Variants in PHACTR3 observed in about 807,000 individuals in gnomAD.
The protein encoded by PHACTR3 is phosphatase and actin regulator 3.
PHACTR3 carries 16 observed loss-of-function variants against 66.8 expected under a neutral mutation model. That is an observed-to-expected ratio of 0.24 (90% CI 0.16 to 0.36). The LOEUF (loss-of-function observed/expected upper bound fraction) is 0.36, where lower values mean the gene tolerates loss of function less well. PHACTR3 is among the 10% of genes least tolerant of loss of function. The pLI is 1.00. For synonymous variants in PHACTR3, 323 were observed against 292.1 expected (o/e 1.11, Z -1.08); for missense variants, 647 against 719.9 (o/e 0.90, Z 1.16).
intron 1 of PHACTR3, among the ~76,000 whole-genome samples, chr20:59,720,618 C>T (rs942413085): frequency 6.6e-6 from 1 of 152,232 alleles, no homozygotes; most frequent in Non-Finnish European, 1.5e-5. Flanking sequence ...GCCGAAGGTG[C>T]ACACAATCCC....
intron 1 of PHACTR3, among the ~76,000 whole-genome samples, chr20:59,589,194 G>A (rs1419415996): frequency 6.6e-6 from 1 of 152,198 alleles, no homozygotes; most frequent in Non-Finnish European, 1.5e-5. Context: ...AGAAGTGAAT[G>A]TTATTCTCCC....
intron 8 of PHACTR3, among the ~76,000 whole-genome samples, chr20:59,832,299 A>G (rs2042407076): frequency 6.6e-6 from 1 of 152,188 alleles, no homozygotes; most frequent in Non-Finnish European, 1.5e-5. Context: ...TCCTTTTGGA[A>G]GCCCCAACTC....
intron 1 of PHACTR3, among the ~76,000 whole-genome samples, chr20:59,686,800 A>G (rs1274303147): frequency 7.3e-6 from 1 of 137,850 alleles, no homozygotes; most frequent in Non-Finnish European, 1.6e-5. Context: ...GATGGTGGTG[A>G]TGATTGTGAT....
At chr20:59,775,593 G>T (rs934148351) in intron 7 of PHACTR3, among the ~76,000 whole-genome samples, 1 of 152,142 alleles carries the variant, frequency 6.6e-6, no homozygotes, top group African/African-American at 2.4e-5. Context: ...AGGGGTGGGG[G>T]TGCTGTCACC....
chr20:59,618,897 G>T (rs2034131795), intron 1 of PHACTR3, among the ~76,000 whole-genome samples: 1 of 152,198 alleles, frequency 6.6e-6, no homozygotes, highest in Non-Finnish European at 1.5e-5. Context: ...GGCAGTGCAG[G>T]ATACTCGGAG....
chr20:59,828,278 C>T, intron 8 of PHACTR3, among the ~76,000 whole-genome samples: 1 of 152,188 alleles, frequency 6.6e-6, no homozygotes, highest in East Asian at 1.9e-4. Flanking sequence ...AAGCATTCCT[C>T]CACTAGTGTC....
Position 59,675,510 on chromosome 20 carries a change from C to G in PHACTR3, c.119-67597C>G, listed in dbSNP as rs185222889. On this transcript the variant is annotated intron_variant, in intron 1 of 12. Coordinates refer to ENST00000371015, the MANE Select transcript of PHACTR3 (RefSeq NM_080672.5). ...GGTTCTGGGCTATTGTCCCTGTCTC[C>G]GAGGATCAGAGAGGTGAAGTCCCCT... is the stretch of plus-strand genomic sequence containing the variant. Among the ~76,000 whole-genome samples the G allele has an allele frequency of 2.0e-5, 3 of 152,170 alleles. No individual in the cohort carries two copies. The South Asian group carries it at 6.2e-4, about 32-fold the overall frequency.
At chr20:59,658,368 A>G (rs1221438919) in intron 1 of PHACTR3, among the ~76,000 whole-genome samples, 4 of 151,338 alleles carry the variant, frequency 2.6e-5, no homozygotes, top group Non-Finnish European at 5.9e-5. Context: ...CTGTGTTTTT[A>G]TACATACTAG....
chr20:59,831,806 G>A lies in PHACTR3; in HGVS notation c.1329-4699G>A, dbSNP rs372833387. On this transcript the variant is annotated intron_variant, in intron 8 of 12. Transcript: ENST00000371015. ...TATGTAGTGAGGGAGAGGAACCGGCGCCCATTCCTTTGCTCCTCGACACAG... is the reference window on the plus strand; with the variant it reads ...TATGTAGTGAGGGAGAGGAACCGGCACCCATTCCTTTGCTCCTCGACACAG... Among the ~76,000 whole-genome samples, 76 of 152,324 alleles carry A rather than the reference G, an allele frequency of 5.0e-4. 1 individual carries two copies. The South Asian group carries it at 0.011, about 21-fold the overall frequency.
intron 1 of PHACTR3, among the ~76,000 whole-genome samples, chr20:59,718,201 C>A (rs1445362079): frequency 6.6e-6 from 1 of 152,198 alleles, no homozygotes; most frequent in Non-Finnish European, 1.5e-5. Flanking sequence ...ACCTCCCAGG[C>A]TGCTTGCTCT....
intron 1 of PHACTR3, among the ~76,000 whole-genome samples, chr20:59,692,724 G>C (rs1206807786): frequency 6.6e-6 from 1 of 152,192 alleles, no homozygotes; most frequent in African/African-American, 2.4e-5. Context: ...TATGGAAAGA[G>C]TTGGAACCAG....
intron 11 of PHACTR3, among the ~76,000 whole-genome samples, chr20:59,842,860 TA>T (rs1198200761): frequency 5.9e-5 from 9 of 152,038 alleles, no homozygotes; most frequent in Non-Finnish European, 1.2e-4. Flanking sequence ...ATGGAACACT[TA>T]CATAATACTA....
chr20:59,796,941 T>A (rs1600672895), intron 7 of PHACTR3, among the ~76,000 whole-genome samples: 1 of 152,284 alleles, frequency 6.6e-6, no homozygotes, highest in East Asian at 1.9e-4. Flanking sequence ...AAATAAGTTT[T>A]CTGTGTTTTT....
At position 59,738,226 on chromosome 20, in the gene PHACTR3, G is replaced by A. The variant is rs1199896280; in HGVS notation, c.119-4881G>A. 6.6e-6 allele frequency among the ~76,000 whole-genome samples: 1 copy of A among 152,078 alleles called. No homozygotes were observed. Among genetic ancestry groups the A allele is most frequent in the Non-Finnish European group, 1.5e-5 (1 of 68,006 alleles). On this transcript the variant is annotated intron_variant, in intron 1 of 12. Coordinates refer to ENST00000371015, the MANE Select transcript of PHACTR3 (RefSeq NM_080672.5). The surrounding 1 kb of genome is among the most constrained non-coding windows in gnomAD (Gnocchi z 4.4). ...CTGTTAGTAAGTGGCAGGGCCAGGAGGGGAGCCTGGGGTGCCTGGTCCCAG... is the reference window on the plus strand; with the variant it reads ...CTGTTAGTAAGTGGCAGGGCCAGGAAGGGAGCCTGGGGTGCCTGGTCCCAG...
At chr20:59,759,201 C>A (rs1467363487) in intron 4 of PHACTR3, among the ~76,000 whole-genome samples, 1 of 152,180 alleles carries the variant, frequency 6.6e-6, no homozygotes, top group African/African-American at 2.4e-5. Flanking sequence ...TCCAGCCCTG[C>A]AGGCCTGGGA....
chr20:59,701,760 T>C (rs2037513752), intron 1 of PHACTR3, among the ~76,000 whole-genome samples: 1 of 152,232 alleles, frequency 6.6e-6, no homozygotes, highest in African/African-American at 2.4e-5. Flanking sequence ...CATCAGGGCT[T>C]ACACTTGCTG....
At chr20:59,648,862 C>A (rs1280117989) in intron 1 of PHACTR3, among the ~76,000 whole-genome samples, 3 of 152,226 alleles carry the variant, frequency 2.0e-5, no homozygotes, top group Non-Finnish European at 1.5e-5. Flanking sequence ...CAGCCTGTGT[C>A]CCCCATAGGA....
chr20:59,771,064 A>G (rs1295911797), intron 5 of PHACTR3, among the ~76,000 whole-genome samples: 1 of 152,106 alleles, frequency 6.6e-6, no homozygotes, highest in Non-Finnish European at 1.5e-5. Context: ...AGCCAGGCAA[A>G]GCTCTATGGG....
At position 59,816,770 on chromosome 20, in the gene PHACTR3, G is replaced by T. The variant is rs758563241; in HGVS notation, c.1328+10576G>T. On this transcript the variant is annotated intron_variant, in intron 8 of 12. Transcript: ENST00000371015. ...GATTGGATAGGTGGGTGGTTGGGTA[G>T]TTAGATGGATGGCCATCTGGATGGT... 4.7e-4 allele frequency among the ~76,000 whole-genome samples: 72 copies of T among 152,338 alleles called. 1 individual carries two copies. Among genetic ancestry groups the T allele is most frequent in the Middle Eastern group, 3.4e-3 (1 of 294 alleles).
Sources: gnomAD v4.1 joint callset for allele counts (sites outside exome capture counted in the v4.1 genomes callset) on GRCh38, gnomAD v4.1.1 for gene constraint, Gnocchi (gnomAD v3.1) non-coding constraint, MANE v1.5 for transcripts, NCBI Gene and HGNC (gene_info 2026-07-23, HGNC 2026-07-21) for gene names.